The following ARPP21 variants were observed in gnomAD, a reference collection of about 807,000 sequenced individuals.
ARPP21 encodes cAMP regulated phosphoprotein 21, also known as cAMP-regulated phosphoprotein 21.
ARPP21 carries 69 observed loss-of-function variants against 113.2 expected under a neutral mutation model. The ratio of observed to expected loss-of-function variants is 0.61; its 90% confidence interval spans 0.50 to 0.74. The LOEUF (loss-of-function observed/expected upper bound fraction) is 0.74. Among genes scored for constraint, ARPP21 ranks in the 30% least tolerant of loss-of-function variants. ARPP21 has a pLI of 0.00. For synonymous variants in ARPP21, 368 were observed against 375.5 expected (o/e 0.98, Z 0.23); for missense variants, 1,070 against 1,037.4 (o/e 1.03, Z -0.43).
In ARPP21 at chr3:35,729,416, C is replaced by A; in HGVS notation, c.1339C>A (p.Pro447Thr). Residue 447 changes from proline (P) to threonine (T), a missense_variant, in exon 15 of 21, where the codon CCT (proline) becomes ACT (threonine). Physicochemically the swap from Pro to Thr is conservative, Grantham distance 38 (BLOSUM62 -1). Transcript: ENST00000684406. ...GVAAGSPGCV[P>T]YPENGIGGQV... ...GGCAGCTGGCTCTCCAGGCTGTGTG[C>A]CTTATCCAGAGAATGGAATAGGGGG... 1.2e-6 allele frequency: 2 copies of A among 1,614,116 alleles called. No homozygotes were observed. Among genetic ancestry groups the A allele is most frequent in the Middle Eastern group, 1.6e-4 (1 of 6,062 alleles).
chr3:35,667,582 G>A (rs1418741857), intron 1 of ARPP21, among the ~76,000 whole-genome samples: 2 of 151,902 alleles, frequency 1.3e-5, no homozygotes, highest in African/African-American at 4.8e-5. Flanking sequence ...TTGACTCTTG[G>A]AAGTTGGACT....
At chr3:35,706,673 T>G (rs1325666963) in intron 9 of ARPP21, among the ~76,000 whole-genome samples, 1 of 152,078 alleles carries the variant, frequency 6.6e-6, no homozygotes, top group Non-Finnish European at 1.5e-5. Context: ...GTAATAGAGG[T>G]CAAAATAACT....
chr3:35,665,917 G>A (rs9832622), intron 1 of ARPP21, among the ~76,000 whole-genome samples: 51,671 of 151,812 alleles, frequency 0.34, 9,070 homozygotes, highest in East Asian at 0.49. Flanking sequence ...TAAAGGAAAC[G>A]TGATAGAATG....
At chr3:35,764,475 T>G (rs1354717420) in intron 19 of ARPP21, among the ~76,000 whole-genome samples, 1 of 152,172 alleles carries the variant, frequency 6.6e-6, no homozygotes, top group Non-Finnish European at 1.5e-5. Flanking sequence ...CAATGGCTGA[T>G]GTATGCTCCT....
intron 9 of ARPP21, among the ~76,000 whole-genome samples, chr3:35,703,771 T>G (rs1341899228): frequency 1.3e-5 from 2 of 151,972 alleles, no homozygotes; most frequent in African/African-American, 4.8e-5. Context: ...TACATTCACA[T>G]ATTAATACAT....
At chr3:35,670,346 C>T (rs1328579023) in intron 1 of ARPP21, among the ~76,000 whole-genome samples, 2 of 151,926 alleles carry the variant, frequency 1.3e-5, no homozygotes, top group Admixed American at 1.3e-4. Flanking sequence ...AACTCTCTCA[C>T]TTCTCCTTCA....
chr3:35,759,674 C>CTGTGTGTGTGTG (rs1346888304), intron 19 of ARPP21, among the ~76,000 whole-genome samples: 33 of 130,710 alleles, frequency 2.5e-4, no homozygotes, highest in African/African-American at 7.6e-4. Flanking sequence ...CATTTTCTCT[C>CTGTGTGTGTGTG]TCTGTGTGTG....
chr3:35,647,272 A>T (rs896275105), intron 1 of ARPP21, among the ~76,000 whole-genome samples: 2 of 152,182 alleles, frequency 1.3e-5, no homozygotes, highest in Non-Finnish European at 2.9e-5. Context: ...ATCTTCCAGG[A>T]TAAGAATACA....
chr3:35,646,854 G>A (rs916560975), intron 1 of ARPP21, among the ~76,000 whole-genome samples: 8 of 152,084 alleles, frequency 5.3e-5, no homozygotes, highest in Non-Finnish European at 8.8e-5. Context: ...CAAACAACTG[G>A]CATTGTACTA....
At chr3:35,653,737 A>G (rs1388867681) in intron 1 of ARPP21, among the ~76,000 whole-genome samples, 1 of 152,114 alleles carries the variant, frequency 6.6e-6, no homozygotes, top group Non-Finnish European at 1.5e-5. Context: ...GCCACATAAT[A>G]GAAATGATAG....
At chr3:35,659,404 C>T (rs1706598997) in intron 1 of ARPP21, among the ~76,000 whole-genome samples, 1 of 152,036 alleles carries the variant, frequency 6.6e-6, no homozygotes, top group South Asian at 2.1e-4. Flanking sequence ...AATTAATACA[C>T]CTTTCTGGGT....
intron 1 of ARPP21, among the ~76,000 whole-genome samples, chr3:35,677,998 G>C (rs548244889): frequency 1.3e-5 from 2 of 151,968 alleles, no homozygotes; most frequent in South Asian, 4.1e-4. Context: ...TATGATTCAG[G>C]CATGCAAGAA....
rs1302353664 is a variant in ARPP21, at chr3:35,659,462, C to T, written c.-213+19064C>T. Among the ~76,000 whole-genome samples the T allele has an allele frequency of 1.1e-4, 17 of 152,116 alleles. No homozygotes were observed. The East Asian group carries it at 3.1e-3, about 28-fold the overall frequency. On this transcript the variant is annotated intron_variant, in intron 1 of 20. Transcript: ENST00000684406. ...TAGAAGACATTTACATTTTTAGAAA[C>T]ATGCATTCATTTCCTATTGTATTCT...
chr3:35,697,182 T>C (rs1256655160), intron 9 of ARPP21, among the ~76,000 whole-genome samples: 1 of 151,676 alleles, frequency 6.6e-6, no homozygotes, highest in African/African-American at 2.4e-5. Context: ...TTTTTTGTCT[T>C]GTCTTTTACA....
chr3:35,685,030 G>C (rs1381008780), intron 5 of ARPP21: 7 of 984,702 alleles, frequency 7.1e-6, no homozygotes, highest in African/African-American at 1.7e-5. Context: ...TTGATTGATG[G>C]CTTGTAATGT....
intron 19 of ARPP21, among the ~76,000 whole-genome samples, chr3:35,780,168 G>A (rs2096488569): frequency 6.6e-6 from 1 of 152,088 alleles, no homozygotes; most frequent in Non-Finnish European, 1.5e-5. Context: ...GCCATTGCAA[G>A]ATACTTATGG....
intron 1 of ARPP21, among the ~76,000 whole-genome samples, chr3:35,674,843 G>A (rs2077100649): frequency 6.6e-6 from 1 of 151,862 alleles, no homozygotes; most frequent in African/African-American, 2.4e-5. Flanking sequence ...AGTATTTGTA[G>A]GCTCGTTCAC....
At chr3:35,660,021 A>G (rs746004903) in intron 1 of ARPP21, among the ~76,000 whole-genome samples, 19 of 152,174 alleles carry the variant, frequency 1.2e-4, no homozygotes, top group Non-Finnish European at 2.2e-4. Flanking sequence ...GGAGAGCATG[A>G]GAGGCTTTGC....
intron 14 of ARPP21, among the ~76,000 whole-genome samples, chr3:35,722,611 G>A (rs1292876624): frequency 6.6e-6 from 1 of 152,168 alleles, no homozygotes; most frequent in African/African-American, 2.4e-5. Context: ...CAAGTTACCA[G>A]GTGCTTGTAT....
Sources: allele counts gnomAD v4.1 joint callset (sites outside exome capture counted in the v4.1 genomes callset), GRCh38; gene constraint gnomAD v4.1.1; transcripts MANE v1.5; gene names NCBI Gene and HGNC (gene_info 2026-07-23, HGNC 2026-07-21).